Variants in TDRD9 observed in about 807,000 individuals in gnomAD.
TDRD9 encodes the protein tudor domain containing 9.
Under a neutral mutation model 172.6 loss-of-function variants are expected in TDRD9, and 124 were observed. That is an observed-to-expected ratio of 0.72 (90% CI 0.62 to 0.83). The LOEUF is 0.83. Ranked by LOEUF, TDRD9 falls within the 40% of genes least tolerant of loss-of-function variation. TDRD9 has a pLI of 0.00. For synonymous variants in TDRD9, 619 were observed against 617.1 expected (o/e 1.00, Z -0.05); for missense variants, 1,479 against 1,714.1 (o/e 0.86, Z 2.42).
intron 20 of TDRD9, among the ~76,000 whole-genome samples, chr14:104,012,178 C>T (rs1225707008): frequency 2.0e-5 from 3 of 152,196 alleles, no homozygotes; most frequent in Admixed American, 6.5e-5. Flanking sequence ...CTGTTACCCT[C>T]ATGGCCCAAG....
intron 1 of TDRD9, among the ~76,000 whole-genome samples, chr14:103,944,205 T>TA (rs2031432458): frequency 1.4e-5 from 2 of 145,662 alleles, no homozygotes; most frequent in South Asian, 2.2e-4. Flanking sequence ...TCTACAGTCT[T>TA]ACGTTATCCC....
chr14:103,985,566 C>T (rs1034822975), intron 7 of TDRD9, among the ~76,000 whole-genome samples: 7 of 152,054 alleles, frequency 4.6e-5, no homozygotes, highest in Admixed American at 6.6e-5. Context: ...GGGAGTTTGC[C>T]GCTTGTGGTT....
chr14:103,937,367 G>A (rs552773829), intron 1 of TDRD9, among the ~76,000 whole-genome samples: 6 of 152,144 alleles, frequency 3.9e-5, no homozygotes, highest in South Asian at 4.2e-4. Flanking sequence ...AGTGCTTCCC[G>A]TCGCTCCCTT....
In TDRD9 at chr14:104,012,147, C is replaced by T. The variant is rs150099804; in HGVS notation, c.2107-2578C>T. Among the ~76,000 whole-genome samples the T allele has an allele frequency of 2.8e-3, 429 of 152,334 alleles. 12 individuals are homozygous for T. The highest frequency in any genetic ancestry group is 6.5e-4 in the Non-Finnish European group (44 of 68,038). ...ATGTGACTGACTTTAGTTACTCAGTCTTCAGTCCCTCCAGAGGAAACTGTT... is the reference window on the plus strand; with the variant it reads ...ATGTGACTGACTTTAGTTACTCAGTTTTCAGTCCCTCCAGAGGAAACTGTT... On this transcript the variant is annotated intron_variant, in intron 20 of 35. Coordinates refer to ENST00000409874, the MANE Select transcript of TDRD9 (RefSeq NM_153046.3).
chr14:103,984,556 G>A (rs1011589742), intron 7 of TDRD9, among the ~76,000 whole-genome samples: 18 of 152,318 alleles, frequency 1.2e-4, no homozygotes, highest in African/African-American at 4.3e-4. Flanking sequence ...AAGAATTGGG[G>A]TTTGGGAACC....
At chr14:103,944,897 G>C (rs1383744951) in intron 1 of TDRD9, among the ~76,000 whole-genome samples, 1 of 152,070 alleles carries the variant, frequency 6.6e-6, no homozygotes, top group Non-Finnish European at 1.5e-5. Context: ...TTTCCAATTA[G>C]ATCCTGCTGT....
rs546746425 is a variant in TDRD9, at chr14:104,024,262, A to G, written c.2607-307A>G. On this transcript the variant is annotated intron_variant, in intron 24 of 35. Transcript: ENST00000409874. ...CAGACCTTGAAAGTCTAAATTGATA[A>G]TTTATTTATCTTGATAATACCTTGA... Among the ~76,000 whole-genome samples the G allele has an allele frequency of 3.9e-5, 6 of 152,298 alleles. No homozygotes were observed. The South Asian group carries it at 1.2e-3, about 32-fold the overall frequency.
intron 5 of TDRD9, among the ~76,000 whole-genome samples, chr14:103,968,094 AC>A (rs1392902090): frequency 1.3e-5 from 2 of 152,000 alleles, no homozygotes; most frequent in Non-Finnish European, 1.5e-5. Context: ...GCCTTTGCAC[AC>A]CCATACTTGA....
intron 1 of TDRD9, among the ~76,000 whole-genome samples, chr14:103,942,492 A>C (rs2031297636): frequency 6.6e-6 from 1 of 152,228 alleles, no homozygotes; most frequent in Non-Finnish European, 1.5e-5. Flanking sequence ...ATGGTCGTCT[A>C]AAGCACCATA....
In TDRD9 at chr14:104,034,951, C is replaced by T. The variant is rs2035405780; in HGVS notation, c.3620-9C>T. On this transcript the variant is annotated splice_polypyrimidine_tract_variant and intron_variant, in intron 31 of 35. Transcript: ENST00000409874. ...AATGCCCGATGTTGATTTAGCATGA[C>T]TTGAACAGGATCTACGATGCTGCTG... 6.5e-7 allele frequency: 1 copy of T among 1,549,974 alleles called. No individual in the cohort carries two copies. The highest frequency in any genetic ancestry group is 1.2e-5 in the South Asian group (1 of 84,008).
intron 1 of TDRD9, among the ~76,000 whole-genome samples, chr14:103,938,732 C>T (rs772762892): frequency 1.3e-4 from 19 of 151,930 alleles, no homozygotes; most frequent in Admixed American, 2.6e-4. Flanking sequence ...CCACCGTGCC[C>T]GGCCCCCCTT....
chr14:103,972,425 G>A (rs748833831), intron 6 of TDRD9, among the ~76,000 whole-genome samples: 2 of 152,184 alleles, frequency 1.3e-5, no homozygotes, highest in East Asian at 1.9e-4. Context: ...TTTGAGAGAC[G>A]TAAGTAGAGT....
At chr14:103,952,381 ACAGGCGCC>A (rs961129809) in intron 1 of TDRD9, among the ~76,000 whole-genome samples, 65 of 149,304 alleles carry the variant, frequency 4.4e-4, no homozygotes, top group African/African-American at 1.5e-3. Flanking sequence ...ATCTGGGACT[ACAGGCGCC>A]CGCCACCACC....
At chr14:103,992,705 C>T (rs1244786427) in intron 9 of TDRD9, among the ~76,000 whole-genome samples, 2 of 151,924 alleles carry the variant, frequency 1.3e-5, no homozygotes, top group African/African-American at 2.4e-5. Flanking sequence ...GGGTGGATCA[C>T]GAGGTCAGGA....
intron 11 of TDRD9, 37 bp from the exon 12 acceptor site, chr14:103,995,713 A>G (rs751947027): frequency 1.3e-6 from 2 of 1,550,592 alleles, no homozygotes; most frequent in Admixed American, 4.1e-5. Flanking sequence ...TTCGGAATAT[A>G]GTAGGAATGT....
At position 103,989,110 on chromosome 14, in the gene TDRD9, G is replaced by A. The variant is rs111414774; in HGVS notation, c.1116-2050G>A. 2.5e-3 allele frequency among the ~76,000 whole-genome samples: 376 copies of A among 152,116 alleles called. 4 individuals are homozygous for A. Among genetic ancestry groups the A allele is most frequent in the African/African-American group, 8.7e-3 (363 of 41,494 alleles). On this transcript the variant is annotated intron_variant, in intron 8 of 35. Coordinates refer to ENST00000409874, the MANE Select transcript of TDRD9 (RefSeq NM_153046.3). Reference sequence around the variant, plus strand: ...GTCTTTATTTAGTCTTCATTATTGAGAGTTTTACTGAATACAGGAATCTTG... The same window carrying A: ...GTCTTTATTTAGTCTTCATTATTGAAAGTTTTACTGAATACAGGAATCTTG...
At position 103,981,924 on chromosome 14, in the gene TDRD9, C is replaced by A. The variant is rs536965772; in HGVS notation, c.1012-4293C>A. Among the ~76,000 whole-genome samples, 4 of 152,220 alleles carry A rather than the reference C, an allele frequency of 2.6e-5. No individual in the cohort carries two copies. In the East Asian group the frequency reaches 7.7e-4, roughly 29 times the overall value. ...GTTTTGTATAGATCCTATTATACAGCTTCAGAATCAGAGGACCTTGGTTAA... is the reference window on the plus strand; with the variant it reads ...GTTTTGTATAGATCCTATTATACAGATTCAGAATCAGAGGACCTTGGTTAA... On this transcript the variant is annotated intron_variant, in intron 7 of 35. Transcript: ENST00000409874.
rs1365339318 is a variant in TDRD9, at chr14:104,026,045, A to G, written c.2932-2A>G. The G allele has an allele frequency of 1.9e-6, 3 of 1,588,342 alleles. No homozygotes were observed. The highest frequency in any genetic ancestry group is 2.7e-5 in the African/African-American group (2 of 74,408). ...AAAGTGTATACTTGCTTTATTTTCT[A>G]GGTATTCTTTGTAGATTATGGCAAT... On this transcript the variant is annotated splice_acceptor_variant, in intron 26 of 35. Transcript: ENST00000409874. LOFTEE classifies it high-confidence loss of function.
intron 6 of TDRD9, among the ~76,000 whole-genome samples, chr14:103,973,564 G>T (rs1046694594): frequency 6.6e-6 from 1 of 152,216 alleles, no homozygotes; most frequent in Non-Finnish European, 1.5e-5. Flanking sequence ...GAGGGCTGCC[G>T]GGGAGGGTGG....
Sources: allele counts gnomAD v4.1 joint callset (sites outside exome capture counted in the v4.1 genomes callset), GRCh38; gene constraint gnomAD v4.1.1; transcripts MANE v1.5; gene names NCBI Gene and HGNC (gene_info 2026-07-23, HGNC 2026-07-21).